CLPSL2: variants seen among roughly 807,000 people sequenced by gnomAD.
CLPSL2 encodes the protein colipase-like protein 2.
CLPSL2 carries 4 observed loss-of-function variants against 7.9 expected under a neutral mutation model. The observed-to-expected ratio is 0.50, with a 90% CI of 0.25 to 1.15. The LOEUF (loss-of-function observed/expected upper bound fraction) is 1.15. CLPSL2 is among the 50% of genes most tolerant of loss of function. The pLI, the probability that CLPSL2 is intolerant of heterozygous loss-of-function variation, is 0.15. For missense variants in CLPSL2, 132 were observed against 136.6 expected (o/e 0.97, Z 0.17); for synonymous variants, 67 against 53.1 (o/e 1.26, Z -1.14).
At chr6:35,778,297 C>A (rs1252734608) in intron 2 of CLPSL2, among the ~76,000 whole-genome samples, 1 of 152,186 alleles carries the variant, frequency 6.6e-6, no homozygotes, top group Non-Finnish European at 1.5e-5. Context: ...TTCTCTCACA[C>A]CACTGAGGCA....
At chr6:35,778,577 G>A (rs953406948) in intron 2 of CLPSL2, among the ~76,000 whole-genome samples, 1 of 152,222 alleles carries the variant, frequency 6.6e-6, no homozygotes, top group Non-Finnish European at 1.5e-5. Flanking sequence ...GGCAAGGAGA[G>A]TGTGCAGTCC....
rs190920712 is a variant in CLPSL2, at chr6:35,779,390, G to A, written c.243G>A (p.Arg81=). ...CTACCAACATCATCTGCCCTTGCCGGATGGGCTTGACGTGCATATCCAAGG... is the reference window on the plus strand; with the variant it reads ...CTACCAACATCATCTGCCCTTGCCGAATGGGCTTGACGTGCATATCCAAGG... ...KGATNIICPC[R]MGLTCISKDL... is the part of the protein sequence containing the mutation. Residue 81 remains arginine (R), a synonymous_variant, in exon 3 of 3, where the codon CGG becomes CGA. Transcript: ENST00000403376. 1.3e-6 allele frequency: 2 copies of A among 1,584,722 alleles called. No homozygotes were observed. Among genetic ancestry groups the A allele is most frequent in the East Asian group, 2.3e-5 (1 of 43,700 alleles).
In CLPSL2 at chr6:35,777,616, A is replaced by AC. The variant is rs1767870239; in HGVS notation, c.207+35_207+36insC. The stretch of plus-strand genomic sequence containing the variant: ...TAGTATGGGGCAACTTCTGGCAAGT[A>AC]GAGAAGCGGGCAGGGAGGTTAAAAA... On this transcript the variant is annotated intron_variant, in intron 2 of 2. Coordinates refer to ENST00000403376, the MANE Select transcript of CLPSL2 (RefSeq NM_207409.4). 3.8e-6 allele frequency: 6 copies of AC among 1,591,852 alleles called. No individual in the cohort carries two copies. In the African/African-American group the frequency reaches 6.8e-5, roughly 18 times the overall value.
intron 2 of CLPSL2, 56 bp from the exon 3 acceptor site, chr6:35,779,299 G>C (rs1274022053): frequency 1.4e-6 from 2 of 1,436,438 alleles, no homozygotes; most frequent in Admixed American, 2.1e-5. Context: ...AGAAGTTTAA[G>C]TCCCCATCCT....
At chr6:35,778,705 T>A (rs1767895080) in intron 2 of CLPSL2, among the ~76,000 whole-genome samples, 2 of 152,218 alleles carry the variant, frequency 1.3e-5, no homozygotes, top group African/African-American at 4.8e-5. Flanking sequence ...AGCCTCTATG[T>A]CCCTGTGTGG....
Position 35,779,508 on chromosome 6 carries a change from C to T in CLPSL2, c.*58C>T. ...GGCCATAGGCCCTGGTTGCCACCAA[C>T]TTGCTCCAAATCCAGCTCCTGAGAC... On this transcript the variant is annotated 3_prime_UTR_variant, in exon 3 of 3. Coordinates refer to ENST00000403376, the MANE Select transcript of CLPSL2 (RefSeq NM_207409.4). The T allele has an allele frequency of 6.4e-7, 1 of 1,552,026 alleles. No individual in the cohort carries two copies. The highest frequency in any genetic ancestry group is 8.7e-7 in the Non-Finnish European group (1 of 1,146,938).
At chr6:35,778,753 A>G (rs1002807330) in intron 2 of CLPSL2, among the ~76,000 whole-genome samples, 2 of 152,102 alleles carry the variant, frequency 1.3e-5, no homozygotes, top group African/African-American at 4.8e-5. Flanking sequence ...CAGGGCCCCT[A>G]CCATGGCCTG....
chr6:35,777,035 C>T (rs1333667600), intron 1 of CLPSL2, among the ~76,000 whole-genome samples: 1 of 152,100 alleles, frequency 6.6e-6, no homozygotes, highest in Non-Finnish European at 1.5e-5. Context: ...TCTGGTTTCT[C>T]CTCCTCTTCT....
intron 2 of CLPSL2, among the ~76,000 whole-genome samples, chr6:35,778,726 A>G (rs1292219879): frequency 6.6e-6 from 1 of 152,216 alleles, no homozygotes; most frequent in Non-Finnish European, 1.5e-5. Context: ...GGAGTTGCCA[A>G]TGCCCTAAGG....
At chr6:35,777,332 G>C (rs750465907) in intron 1 of CLPSL2, 127 bp from the exon 2 acceptor site, 16 of 1,077,272 alleles carry the variant, frequency 1.5e-5, no homozygotes, top group Non-Finnish European at 2.2e-5. Context: ...AGCCCCCCAA[G>C]GGGTGACAAC....
chr6:35,778,106 C>G (rs1249143920), intron 2 of CLPSL2, among the ~76,000 whole-genome samples: 1 of 152,142 alleles, frequency 6.6e-6, no homozygotes, highest in East Asian at 1.9e-4. Context: ...CAGGGGTGCA[C>G]CGCTATGCCT....
At position 35,776,606 on chromosome 6, in the gene CLPSL2, G is replaced by A; in HGVS notation, c.-13G>A. 1.3e-6 allele frequency: 2 copies of A among 1,497,482 alleles called. No individual in the cohort carries two copies. Among genetic ancestry groups the A allele is most frequent in the Non-Finnish European group, 1.8e-6 (2 of 1,130,270 alleles). 92.8% of individuals were successfully genotyped at this position (1,497,482 alleles called of 1,614,324 possible). ...CCCCTCGGAACCCCGCCGCTGCTCT[G>A]CCGCCCAGGCCCATGGCCGCAGCCC... On this transcript the variant is annotated 5_prime_UTR_variant, in exon 1 of 3. Transcript: ENST00000403376.
intron 1 of CLPSL2, among the ~76,000 whole-genome samples, 174 bp from the exon 2 acceptor site, chr6:35,777,285 C>T (rs1767855105): frequency 6.7e-6 from 1 of 149,420 alleles, no homozygotes; most frequent in Non-Finnish European, 1.5e-5. Flanking sequence ...TGCCCTGGGT[C>T]CTGCTGAGGG....
intron 2 of CLPSL2, 77 bp downstream of exon 2, chr6:35,777,658 A>G: frequency 6.8e-7 from 1 of 1,467,806 alleles, no homozygotes; most frequent in South Asian, 1.4e-5. Context: ...ACCTGGCCCC[A>G]CCTGTTTTTT....
chr6:35,777,301 G>T (rs1767855550), intron 1 of CLPSL2, among the ~76,000 whole-genome samples, 158 bp from the exon 2 acceptor site: 1 of 135,804 alleles, frequency 7.4e-6, no homozygotes, highest in Non-Finnish European at 1.6e-5. Flanking sequence ...GAGGGGCCGG[G>T]GTGGGGCTGG....
intron 1 of CLPSL2, 70 bp from the exon 2 acceptor site, chr6:35,777,389 C>T: frequency 6.5e-7 from 1 of 1,535,884 alleles, no homozygotes. Context: ...ATGGTGGGAA[C>T]CCTCCCCTAC....
chr6:35,779,337 C>T lies in CLPSL2; in HGVS notation c.208-18C>T. ...CTGCATCCTGGTGACTCCCGATTCT[C>T]ATACCCACTCCCTGCAGACCAAGGG... On this transcript the variant is annotated intron_variant, in intron 2 of 2. Coordinates refer to ENST00000403376, the MANE Select transcript of CLPSL2 (RefSeq NM_207409.4). The T allele has an allele frequency of 6.5e-7, 1 of 1,539,322 alleles. No individual in the cohort carries two copies. Among genetic ancestry groups the T allele is most frequent in the South Asian group, 1.2e-5 (1 of 83,482 alleles).
chr6:35,777,409 C>A, intron 1 of CLPSL2, 50 bp from the exon 2 acceptor site: 1 of 1,597,516 alleles, frequency 6.3e-7, no homozygotes, highest in Non-Finnish European at 8.5e-7. Flanking sequence ...CCCGCCCACA[C>A]GACTCAGGGA....
intron 1 of CLPSL2, 126 bp downstream of exon 1, chr6:35,776,828 C>A: frequency 1.2e-6 from 1 of 833,528 alleles, no homozygotes; most frequent in Non-Finnish European, 1.7e-6. Flanking sequence ...CACACCCAGG[C>A]GGGTAGCCTG....
Sources: allele counts gnomAD v4.1 joint callset (sites outside exome capture counted in the v4.1 genomes callset), GRCh38; gene constraint gnomAD v4.1.1; transcripts MANE v1.5; gene names NCBI Gene and HGNC (gene_info 2026-07-23, HGNC 2026-07-21).